Variants in SEC14L1 observed in about 807,000 individuals in gnomAD.
SEC14L1 encodes SEC14 like lipid binding 1, also known as SEC14-like protein 1.
Under a neutral mutation model 85.3 loss-of-function variants are expected in SEC14L1, and 48 were observed. The ratio of observed to expected loss-of-function variants is 0.56; its 90% confidence interval spans 0.45 to 0.72. SEC14L1 has a LOEUF of 0.72. Ranked by LOEUF, SEC14L1 falls within the 30% of genes least tolerant of loss-of-function variation. The pLI is 0.00. For synonymous variants in SEC14L1, 391 were observed against 355.5 expected (o/e 1.10, Z -1.12); for missense variants, 682 against 921.4 (o/e 0.74, Z 3.36).
At chr17:77,159,381 TC>T (rs1484960844) in intron 3 of SEC14L1, among the ~76,000 whole-genome samples, 1 of 142,924 alleles carries the variant, frequency 7.0e-6, no homozygotes, top group Admixed American at 7.1e-5. Context: ...TTCTTCTTCT[TC>T]TTTTTTTTTT....
intron 3 of SEC14L1, among the ~76,000 whole-genome samples, chr17:77,154,636 T>TG (rs1021893171): frequency 1.6e-4 from 14 of 87,388 alleles, no homozygotes; most frequent in East Asian, 4.6e-4. Flanking sequence ...TGGTTTTTTT[T>TG]GTTTTTTTTT....
At chr17:77,090,871 C>G (rs116328275) in intron 2 of SEC14L1, among the ~76,000 whole-genome samples, 1 of 151,474 alleles carries the variant, frequency 6.6e-6, no homozygotes, top group East Asian at 1.9e-4. Flanking sequence ...GCCAGTGATC[C>G]CAGCTACTTG....
intron 3 of SEC14L1, among the ~76,000 whole-genome samples, chr17:77,159,131 A>G (rs943217322): frequency 1.8e-4 from 26 of 142,562 alleles, no homozygotes; most frequent in Non-Finnish European, 3.0e-4. Context: ...CAGGGGCACA[A>G]TTTTGGCTCA....
In SEC14L1 at chr17:77,155,375, A is replaced by G. The variant is rs927388125; in HGVS notation, c.63+11716A>G. On this transcript the variant is annotated intron_variant, in intron 3 of 16. Transcript: ENST00000436233. ...AAACCAAACCAATAAAACACCACTC[A>G]GAAGCTCTCCCTTTCCCCTGAGCTG... is the stretch of plus-strand genomic sequence containing the variant. Among the ~76,000 whole-genome samples the G allele has an allele frequency of 2.6e-5, 4 of 152,156 alleles. No homozygotes were observed. In the South Asian group the frequency reaches 8.3e-4, roughly 31 times the overall value.
At chr17:77,116,483 A>G (rs1972174472) in intron 3 of SEC14L1, among the ~76,000 whole-genome samples, 1 of 152,136 alleles carries the variant, frequency 6.6e-6, no homozygotes, top group Non-Finnish European at 1.5e-5. Flanking sequence ...GTTGGGAGAA[A>G]AGACCTTCCA....
chr17:77,121,867 A>G (rs1202648495), intron 3 of SEC14L1, among the ~76,000 whole-genome samples: 3 of 152,182 alleles, frequency 2.0e-5, no homozygotes, highest in Admixed American at 2.0e-4. Flanking sequence ...TGCAGAAAAG[A>G]GTGGACCCTC....
intron 3 of SEC14L1, among the ~76,000 whole-genome samples, chr17:77,127,641 C>T (rs969006100): frequency 6.6e-6 from 1 of 152,168 alleles, no homozygotes; most frequent in East Asian, 1.9e-4. Flanking sequence ...TAAGCCACCA[C>T]GCCTGGCCAA....
At chr17:77,148,939 T>C (rs1973434356) in intron 3 of SEC14L1, among the ~76,000 whole-genome samples, 1 of 152,236 alleles carries the variant, frequency 6.6e-6, no homozygotes, top group South Asian at 2.1e-4. Context: ...CAGCTTGAAC[T>C]TGAACATTTG....
At chr17:77,163,669 A>G (rs1488471005) in intron 3 of SEC14L1, among the ~76,000 whole-genome samples, 3 of 152,222 alleles carry the variant, frequency 2.0e-5, no homozygotes, top group African/African-American at 4.8e-5. Flanking sequence ...TCACATGGAT[A>G]TTCAGTCTTC....
chr17:77,187,740 T>A lies in SEC14L1; in HGVS notation c.64-3063T>A, dbSNP rs868326385. On this transcript the variant is annotated intron_variant, in intron 3 of 16. Coordinates refer to ENST00000436233, the MANE Select transcript of SEC14L1 (RefSeq NM_001143998.2). The stretch of plus-strand genomic sequence containing the variant: ...ACATGCACCATGGGCTACTGGAATT[T>A]TTTTTTTTTTTTTTTGGAGACAGGG... 3.6e-3 allele frequency among the ~76,000 whole-genome samples: 546 copies of A among 150,000 alleles called. 5 individuals are homozygous for A. The highest frequency in any genetic ancestry group is 0.013 in the African/African-American group (526 of 40,980).
chr17:77,196,760 C>T (rs1451371264), intron 8 of SEC14L1, among the ~76,000 whole-genome samples: 1 of 152,110 alleles, frequency 6.6e-6, no homozygotes, highest in African/African-American at 2.4e-5. Context: ...GAGTTATTGG[C>T]ATTATTTAGT....
At chr17:77,143,797 A>G (rs1902495544) in intron 3 of SEC14L1, 138 bp downstream of exon 3, 1 of 546,918 alleles carries the variant, frequency 1.8e-6, no homozygotes, top group South Asian at 3.1e-5. Flanking sequence ...TATGAACCGT[A>G]TCTAGAGTGT....
At chr17:77,107,352 C>T (rs533851201) in intron 3 of SEC14L1, among the ~76,000 whole-genome samples, 1 of 152,262 alleles carries the variant, frequency 6.6e-6, no homozygotes, top group African/African-American at 2.4e-5. Context: ...GGGACGATCA[C>T]TTGCCAAGGT....
At chr17:77,088,728 C>T (rs890106629), upstream of SEC14L1, 1 of 152,276 alleles carries the variant, frequency 6.6e-6, no homozygotes, top group African/African-American at 2.4e-5. Flanking sequence ...GAAACCCGCT[C>T]TCGCCTCCTG....
At chr17:77,129,776 G>A (rs182249533) in intron 3 of SEC14L1, among the ~76,000 whole-genome samples, 66 of 152,172 alleles carry the variant, frequency 4.3e-4, no homozygotes, top group South Asian at 8.3e-4. Context: ...TCACCCAGTC[G>A]CGCCTTGTGA....
chr17:77,199,031 G>A, intron 8 of SEC14L1: 1 of 138,930 alleles, frequency 7.2e-6, no homozygotes, highest in Admixed American at 7.5e-5. Flanking sequence ...TTGAGATGGA[G>A]TTTCGCTCTT....
chr17:77,123,198 C>T (rs1229881595), intron 3 of SEC14L1, among the ~76,000 whole-genome samples: 2 of 151,560 alleles, frequency 1.3e-5, no homozygotes, highest in African/African-American at 2.4e-5. Flanking sequence ...TACAGGTGCT[C>T]GCCACCATGC....
intron 3 of SEC14L1, among the ~76,000 whole-genome samples, chr17:77,098,051 T>TG (rs1567867105): frequency 1.3e-5 from 2 of 152,070 alleles, no homozygotes; most frequent in Non-Finnish European, 2.9e-5. Flanking sequence ...ATGAGAGGGC[T>TG]GGGGGGCTGA....
intron 2 of SEC14L1, chr17:77,089,572 A>G (rs16969661): frequency 0.092 from 42,644 of 464,932 alleles, 3,247 homozygotes; most frequent in African/African-American, 0.29. Flanking sequence ...TGTTACTGTC[A>G]TGTCTTTCAT....
Sources: gnomAD v4.1 joint callset for allele counts (sites outside exome capture counted in the v4.1 genomes callset) on GRCh38, gnomAD v4.1.1 for gene constraint, MANE v1.5 for transcripts, NCBI Gene and HGNC (gene_info 2026-07-23, HGNC 2026-07-21) for gene names.